FBXL7: variants seen among roughly 807,000 people sequenced by gnomAD.
FBXL7 encodes the protein F-box/LRR-repeat protein 7.
FBXL7 carries 12 observed loss-of-function variants against 38.3 expected under a neutral mutation model. That is an observed-to-expected ratio of 0.31 (90% CI 0.20 to 0.51). FBXL7 has a LOEUF of 0.51. Among genes scored for constraint, FBXL7 ranks in the 20% least tolerant of loss-of-function variants. The probability of loss-of-function intolerance (pLI) is 0.98; values close to 1 mark genes in which losing one functional copy is unlikely to be tolerated. For missense variants in FBXL7, 567 were observed against 676.4 expected, an observed-to-expected ratio of 0.84 and a Z score of 1.79; for synonymous variants, 297 against 300.9, an observed-to-expected ratio of 0.99 and a Z score of 0.13.
rs1374484254 is a variant in FBXL7, at chr5:15,514,391, C to A, written c.37+13678C>A. On this transcript the variant is annotated intron_variant, in intron 1 of 3. Transcript: ENST00000504595. ...GCTACTGGAGATTTTTGATGCCCCTCCCCCATTAGGAATACCTGTAAGCTT... is the reference window on the plus strand; with the variant it reads ...GCTACTGGAGATTTTTGATGCCCCTACCCCATTAGGAATACCTGTAAGCTT... Among the ~76,000 whole-genome samples, 6 of 152,200 alleles carry A rather than the reference C, an allele frequency of 3.9e-5. No individual in the cohort carries two copies. The South Asian group carries it at 1.2e-3, about 32-fold the overall frequency.
intron 2 of FBXL7, among the ~76,000 whole-genome samples, chr5:15,792,752 GA>G (rs1259616499): frequency 5.9e-5 from 9 of 152,176 alleles, no homozygotes; most frequent in Non-Finnish European, 1.0e-4. Context: ...ATGGATCCAT[GA>G]GACTGTCCTT....
At chr5:15,678,381 A>G (rs1455671887) in intron 2 of FBXL7, among the ~76,000 whole-genome samples, 1 of 152,208 alleles carries the variant, frequency 6.6e-6, no homozygotes, top group Non-Finnish European at 1.5e-5. Flanking sequence ...GTATAGAGCT[A>G]CAAAAATCTT....
chr5:15,696,337 C>T (rs1743336175), intron 2 of FBXL7, among the ~76,000 whole-genome samples: 2 of 152,098 alleles, frequency 1.3e-5, no homozygotes. Flanking sequence ...TTCTCACCCT[C>T]ATATTACACC....
At chr5:15,771,479 T>G (rs1278205135) in intron 2 of FBXL7, among the ~76,000 whole-genome samples, 1 of 152,232 alleles carries the variant, frequency 6.6e-6, no homozygotes, top group Non-Finnish European at 1.5e-5. Context: ...TAAGTATATG[T>G]ATAGGAAATC....
chr5:15,695,753 A>G (rs1743314546), intron 2 of FBXL7, among the ~76,000 whole-genome samples: 1 of 152,166 alleles, frequency 6.6e-6, no homozygotes, highest in Non-Finnish European at 1.5e-5. Context: ...ACCCAGAAAG[A>G]TTATCATACA....
rs1270509662 is a variant in FBXL7 at position 15,937,204 on chromosome 5, G to A, written c.*18G>A. 8.3e-6 allele frequency: 13 copies of A among 1,557,426 alleles called. No individual in the cohort carries two copies. The highest frequency in any genetic ancestry group is 5.9e-5 in the South Asian group (5 of 85,412). Reference sequence around the variant, plus strand: ...TCTTCTGAAGGGACAGAGTTCATCCGGCGTTGTATTCACACAAACCTGAAC... The same window carrying A: ...TCTTCTGAAGGGACAGAGTTCATCCAGCGTTGTATTCACACAAACCTGAAC... On this transcript the variant is annotated 3_prime_UTR_variant, in exon 4 of 4. Coordinates refer to ENST00000504595, the MANE Select transcript of FBXL7 (RefSeq NM_012304.5).
intron 2 of FBXL7, among the ~76,000 whole-genome samples, chr5:15,778,859 T>C (rs1736923441): frequency 6.6e-6 from 1 of 152,162 alleles, no homozygotes; most frequent in South Asian, 2.1e-4. Flanking sequence ...AAATTGATCA[T>C]GAAAGGATAA....
chr5:15,579,254 C>G (rs1320697890), intron 1 of FBXL7, among the ~76,000 whole-genome samples: 1 of 152,114 alleles, frequency 6.6e-6, no homozygotes, highest in Non-Finnish European at 1.5e-5. Flanking sequence ...ACTTACTCCC[C>G]CAGGCTGTTT....
chr5:15,747,798 C>T (rs796101224), intron 2 of FBXL7, among the ~76,000 whole-genome samples: 9 of 152,238 alleles, frequency 5.9e-5, no homozygotes, highest in African/African-American at 1.7e-4. Flanking sequence ...AATATTACCC[C>T]ATCTTTCTTA....
intron 2 of FBXL7, among the ~76,000 whole-genome samples, chr5:15,874,816 A>G (rs1373367904): frequency 6.6e-6 from 1 of 152,218 alleles, no homozygotes; most frequent in Non-Finnish European, 1.5e-5. Context: ...AAAAATAAAT[A>G]TTGTGAAAAT....
At chr5:15,875,075 A>T (rs1174208269) in intron 2 of FBXL7, among the ~76,000 whole-genome samples, 1 of 152,134 alleles carries the variant, frequency 6.6e-6, no homozygotes, top group Non-Finnish European at 1.5e-5. Context: ...TATATAGACC[A>T]ATGGAACAGA....
In FBXL7 at chr5:15,791,074, G is replaced by C. The variant is rs868517874; in HGVS notation, c.128-136816G>C. On this transcript the variant is annotated intron_variant, in intron 2 of 3. Coordinates refer to ENST00000504595, the MANE Select transcript of FBXL7 (RefSeq NM_012304.5). ...CTAGGTCAGTGAGTTGTGTAAAAGG[G>C]GGGGGGGGGTTATTGCATGTATCTA... Among the ~76,000 whole-genome samples the C allele has an allele frequency of 6.8e-3, 976 of 144,460 alleles. 11 individuals carry two copies. The highest frequency in any genetic ancestry group is 0.01 in the Non-Finnish European group (659 of 65,502). The allele number at this position is 144,460 out of a possible 152,430, so 94.8% of individuals were successfully genotyped here.
At chr5:15,824,074 TCGAGACCAGCCTGACCAA>T (rs1466396234) in intron 2 of FBXL7, among the ~76,000 whole-genome samples, 12 of 151,692 alleles carry the variant, frequency 7.9e-5, no homozygotes, top group African/African-American at 1.5e-4. Flanking sequence ...GGTCAGGAGT[TCGAGACCAGCCTGACCAA>T]CGAGACCAGC....
intron 2 of FBXL7, among the ~76,000 whole-genome samples, chr5:15,659,792 A>T (rs1230818426): frequency 6.6e-6 from 1 of 152,230 alleles, no homozygotes; most frequent in Non-Finnish European, 1.5e-5. Flanking sequence ...ACATCCAATG[A>T]CAATGTCGTC....
In FBXL7 at chr5:15,500,992, C is replaced by A. The variant is rs191724460; in HGVS notation, c.37+279C>A. On this transcript the variant is annotated intron_variant, in intron 1 of 3. Coordinates refer to ENST00000504595, the MANE Select transcript of FBXL7 (RefSeq NM_012304.5). ...CTGCTGTGTTTCTGAGCACATATGC[C>A]TTAACCTTCCTTCCCTGGGCATCTG... Among the ~76,000 whole-genome samples, 6 of 152,284 alleles carry A rather than the reference C, an allele frequency of 3.9e-5. No homozygotes were observed. The East Asian group carries it at 1.2e-3, about 29-fold the overall frequency.
chr5:15,898,666 T>C (rs1579585336), intron 2 of FBXL7, among the ~76,000 whole-genome samples: 1 of 152,244 alleles, frequency 6.6e-6, no homozygotes, highest in East Asian at 1.9e-4. Flanking sequence ...CAGGATACAG[T>C]TCTTCACCTG....
intron 2 of FBXL7, among the ~76,000 whole-genome samples, chr5:15,912,565 A>T (rs1741465566): frequency 6.6e-6 from 1 of 151,872 alleles, no homozygotes; most frequent in Admixed American, 6.6e-5. Flanking sequence ...ACCTAGAAGG[A>T]TTTTCCACAA....
intron 2 of FBXL7, among the ~76,000 whole-genome samples, chr5:15,625,664 A>G (rs1437031138): frequency 6.6e-6 from 1 of 152,156 alleles, no homozygotes; most frequent in Admixed American, 6.5e-5. Context: ...AAAAAAACCA[A>G]CCAGCCAACC....
intron 1 of FBXL7, among the ~76,000 whole-genome samples, chr5:15,507,540 C>T (rs1293905695): frequency 2.0e-5 from 3 of 152,120 alleles, no homozygotes; most frequent in Non-Finnish European, 4.4e-5. Context: ...CTGAAAGCTG[C>T]TTAGATAACT....
Sources: allele counts gnomAD v4.1 joint callset (sites outside exome capture counted in the v4.1 genomes callset), GRCh38; gene constraint gnomAD v4.1.1; transcripts MANE v1.5; gene names NCBI Gene and HGNC (gene_info 2026-07-23, HGNC 2026-07-21).